Variants in USP37 observed in about 807,000 individuals in gnomAD.
USP37 encodes the protein ubiquitin carboxyl-terminal hydrolase 37.
Under a neutral mutation model 124.0 loss-of-function variants are expected in USP37, and 27 were observed. That is an observed-to-expected ratio of 0.22 (90% confidence interval 0.16 to 0.30). The LOEUF (loss-of-function observed/expected upper bound fraction) is 0.30, where lower values mean the gene tolerates loss of function less well. Among genes scored for constraint, USP37 ranks in the 10% least tolerant of loss-of-function variants. The pLI, the probability that USP37 is intolerant of heterozygous loss-of-function variation, is 1.00. For missense variants in USP37, 889 were observed against 1,140.4 expected, an observed-to-expected ratio of 0.78 and a Z score of 3.17; for synonymous variants, 365 against 388.0, an observed-to-expected ratio of 0.94 and a Z score of 0.70.
Position 218,454,720 on chromosome 2 carries a change from G to T in USP37, c.*210C>A. 1 of 937,454 alleles carries T rather than the reference G, an allele frequency of 1.1e-6. No homozygotes were observed. The highest frequency in any genetic ancestry group is 1.5e-6 in the Non-Finnish European group (1 of 663,904). 58.1% of individuals were successfully genotyped at this position (937,454 alleles called of 1,614,324 possible). A position where few individuals can be genotyped will look rare whatever the true frequency, so the allele number is the denominator to read the frequency against. On this transcript the variant is annotated 3_prime_UTR_variant, in exon 26 of 26. Coordinates refer to ENST00000258399, the MANE Select transcript of USP37 (RefSeq NM_020935.3). ...AAGTGCCACTCATAGGAGAAAAAGA[G>T]GATAATCAGCTACGGATGTGAGACC...
intron 10 of USP37, among the ~76,000 whole-genome samples, chr2:218,524,678 C>T (rs1003513041): frequency 5.9e-5 from 9 of 152,166 alleles, no homozygotes; most frequent in Non-Finnish European, 1.2e-4. Context: ...GGCGCGTTTT[C>T]GGCTCACTGC....
chr2:218,560,018 TAA>T (rs1693229922), intron 3 of USP37, among the ~76,000 whole-genome samples: 1 of 151,946 alleles, frequency 6.6e-6, no homozygotes, highest in Non-Finnish European at 1.5e-5. Context: ...ACAAAAAACT[TAA>T]ACTTACAGCA....
intron 11 of USP37, among the ~76,000 whole-genome samples, chr2:218,499,268 T>A (rs1334366119): frequency 6.8e-6 from 1 of 147,370 alleles, no homozygotes; most frequent in African/African-American, 2.5e-5. Context: ...AGCAAGACTA[T>A]GTTTTTTAAA....
At chr2:218,541,144 T>G (rs901706993) in intron 8 of USP37, among the ~76,000 whole-genome samples, 1 of 152,184 alleles carries the variant, frequency 6.6e-6, no homozygotes, top group South Asian at 2.1e-4. Context: ...AATAACTCAC[T>G]TGGAGAATTT....
chr2:218,487,608 AC>A (rs1453667873), intron 15 of USP37, among the ~76,000 whole-genome samples: 1 of 151,770 alleles, frequency 6.6e-6, no homozygotes, highest in African/African-American at 2.4e-5. Flanking sequence ...TTTAGTAGAG[AC>A]CGGGTTTCAC....
chr2:218,496,997 C>A (rs1689118509), intron 13 of USP37, among the ~76,000 whole-genome samples: 2 of 151,826 alleles, frequency 1.3e-5, no homozygotes, highest in South Asian at 4.2e-4. Context: ...ACACAAATCT[C>A]GTTTTAAAAT....
At chr2:218,500,532 C>T (rs1689321144) in intron 11 of USP37, among the ~76,000 whole-genome samples, 1 of 152,110 alleles carries the variant, frequency 6.6e-6, no homozygotes, top group African/African-American at 2.4e-5. Context: ...CAGGCATGAG[C>T]CACCGTGCCC....
chr2:218,551,695 G>C (rs1476913619), intron 5 of USP37, among the ~76,000 whole-genome samples: 2 of 152,190 alleles, frequency 1.3e-5, no homozygotes, highest in Non-Finnish European at 2.9e-5. Flanking sequence ...TGTTAAAACA[G>C]TGATTCCATT....
At chr2:218,549,617 A>G (rs771574119) in intron 6 of USP37, among the ~76,000 whole-genome samples, 192 bp downstream of exon 6, 3 of 152,060 alleles carry the variant, frequency 2.0e-5, no homozygotes, top group African/African-American at 7.2e-5. Flanking sequence ...GGTATGTGCC[A>G]CCACGCCTGG....
At chr2:218,466,251 T>C in intron 20 of USP37, 75 bp from the exon 21 acceptor site, 5 of 1,461,622 alleles carry the variant, frequency 3.4e-6, no homozygotes, top group Non-Finnish European at 4.6e-6. Context: ...TGACACCTAC[T>C]GTTCATAAAG....
At chr2:218,498,840 TCTTA>T (rs1689210092) in intron 11 of USP37, among the ~76,000 whole-genome samples, 1 of 152,232 alleles carries the variant, frequency 6.6e-6, no homozygotes, top group African/African-American at 2.4e-5. Flanking sequence ...TGCTTTTCAT[TCTTA>T]CTTATAATTT....
In USP37 at chr2:218,454,865, G is replaced by GTT; in HGVS notation, c.*64_*65insAA. The GTT allele has an allele frequency of 6.3e-7, 1 of 1,585,394 alleles. No individual in the cohort carries two copies. The highest frequency in any genetic ancestry group is 2.3e-5 in the East Asian group (1 of 44,428). On this transcript the variant is annotated 3_prime_UTR_variant, in exon 26 of 26. Transcript: ENST00000258399. ...GAATTCCAAATTCTCCTTCAGCAGAGGAAAGGTGAGGTGGGCAGCAGTAAC... is the reference window on the plus strand; with the variant it reads ...GAATTCCAAATTCTCCTTCAGCAGAGTTGAAAGGTGAGGTGGGCAGCAGTAAC...
At chr2:218,537,585 G>C (rs1691725482) in intron 8 of USP37, among the ~76,000 whole-genome samples, 1 of 152,216 alleles carries the variant, frequency 6.6e-6, no homozygotes, top group Non-Finnish European at 1.5e-5. Flanking sequence ...AAAATGAATA[G>C]TTACTATTTC....
At chr2:218,524,702 T>G (rs1316754902) in intron 10 of USP37, among the ~76,000 whole-genome samples, 1 of 152,194 alleles carries the variant, frequency 6.6e-6, no homozygotes, top group African/African-American at 2.4e-5. Context: ...CTCTGCCTCC[T>G]GGGTTCAAGT....
At chr2:218,483,746 C>T (rs1279817504) in intron 16 of USP37, among the ~76,000 whole-genome samples, 1 of 152,166 alleles carries the variant, frequency 6.6e-6, no homozygotes, top group South Asian at 2.1e-4. Flanking sequence ...TTTAACTGTA[C>T]ACATAATTTC....
At chr2:218,565,791 G>A (rs746760946) in intron 1 of USP37, among the ~76,000 whole-genome samples, 13 of 152,180 alleles carry the variant, frequency 8.5e-5, no homozygotes, top group Middle Eastern at 3.2e-3. Context: ...GCTCACACCT[G>A]TAATCCCAGC....
intron 11 of USP37, among the ~76,000 whole-genome samples, chr2:218,507,500 A>T (rs1382682438): frequency 6.6e-6 from 1 of 151,878 alleles, no homozygotes; most frequent in Non-Finnish European, 1.5e-5. Flanking sequence ...GGTTTACTTC[A>T]TGGTTTGTTC....
chr2:218,495,963 C>A lies in USP37; in HGVS notation c.1282-13G>T, dbSNP rs778590229. The A allele has an allele frequency of 6.2e-7, 1 of 1,602,356 alleles. No individual in the cohort carries two copies. The highest frequency in any genetic ancestry group is 8.5e-7 in the Non-Finnish European group (1 of 1,175,870). ...ATTCATGAGCATCCTAATAAGACAA[C>A]AATATCCTTAATCAGATAAAAACAT... On this transcript the variant is annotated splice_polypyrimidine_tract_variant and intron_variant, in intron 13 of 25. Transcript: ENST00000258399.
At chr2:218,489,296 T>C (rs1282355340) in intron 14 of USP37, among the ~76,000 whole-genome samples, 2 of 148,100 alleles carry the variant, frequency 1.4e-5, no homozygotes, top group East Asian at 4.2e-4. Flanking sequence ...AGGCGGAGGT[T>C]GCAGTGAGCT....
Sources: gnomAD v4.1 joint callset for allele counts (sites outside exome capture counted in the v4.1 genomes callset) on GRCh38, gnomAD v4.1.1 for gene constraint, MANE v1.5 for transcripts, NCBI Gene and HGNC (gene_info 2026-07-23, HGNC 2026-07-21) for gene names.